The following NCOA6 variants were observed in gnomAD, a reference collection of about 807,000 sequenced individuals.
NCOA6 encodes the protein NRC RAP250.
In NCOA6, 49 loss-of-function variants were observed where a neutral mutation model predicts 171.4. The observed-to-expected ratio is 0.29, with a 90% CI of 0.23 to 0.36. The LOEUF (loss-of-function observed/expected upper bound fraction) is 0.36, where lower values mean the gene tolerates loss of function less well. Ranked by LOEUF, NCOA6 falls within the 10% of genes least tolerant of loss-of-function variation. The pLI, the probability that NCOA6 is intolerant of heterozygous loss-of-function variation, is 1.00. For missense variants in NCOA6, 2,248 were observed against 2,554.5 expected, an observed-to-expected ratio of 0.88 and a Z score of 2.59; for synonymous variants, 910 against 927.5, an observed-to-expected ratio of 0.98 and a Z score of 0.34.
At chr20:34,813,580 T>C (rs1483014094) in intron 1 of NCOA6, among the ~76,000 whole-genome samples, 1 of 152,178 alleles carries the variant, frequency 6.6e-6, no homozygotes, top group African/African-American at 2.4e-5. Flanking sequence ...ATTGTGTTTA[T>C]GTAGAAGAAT....
chr20:34,739,370 T>C (rs886178183), intron 11 of NCOA6, among the ~76,000 whole-genome samples: 6 of 152,252 alleles, frequency 3.9e-5, no homozygotes, highest in Non-Finnish European at 8.8e-5. Context: ...GTCAAGTAAC[T>C]TGCCCAAGCC....
At chr20:34,785,889 A>G (rs888782138) in intron 2 of NCOA6, among the ~76,000 whole-genome samples, 1 of 152,210 alleles carries the variant, frequency 6.6e-6, no homozygotes, top group African/African-American at 2.4e-5. Context: ...AAAAAAAAAA[A>G]AAAACAGAGA....
chr20:34,782,519 T>C, intron 2 of NCOA6, 115 bp from the exon 3 acceptor site: 1 of 287,106 alleles, frequency 3.5e-6, no homozygotes, highest in Non-Finnish European at 6.3e-6. Context: ...CTATAAAAAT[T>C]AAGAAATTAC....
rs572376247 is a variant in NCOA6 at position 34,791,826 on chromosome 20, G to A, written c.-50+624C>T. On this transcript the variant is annotated intron_variant, in intron 2 of 14. Transcript: ENST00000359003. The stretch of plus-strand genomic sequence containing the variant: ...AAGGAAATTCTCAAAAGAAGAAGGA[G>A]AGAGGGCAGGGAGATGATGCAAAAA... Among the ~76,000 whole-genome samples the A allele has an allele frequency of 3.3e-5, 5 of 152,266 alleles. No homozygotes were observed. The East Asian group carries it at 5.8e-4, about 18-fold the overall frequency.
chr20:34,719,504 G>A lies in NCOA6; in HGVS notation c.6149-4139C>T, dbSNP rs996712504. On this transcript the variant is annotated intron_variant, in intron 14 of 14. Transcript: ENST00000359003. ...AAATTAGCCGGGAGTGGTGGTGCAT[G>A]CCTGTAGTCCCAGCTATTCGGGAGG... is the stretch of plus-strand genomic sequence containing the variant. Among the ~76,000 whole-genome samples the A allele has an allele frequency of 3.3e-5, 5 of 152,088 alleles. No homozygotes were observed. The East Asian group carries it at 9.7e-4, about 29-fold the overall frequency.
intron 1 of NCOA6, among the ~76,000 whole-genome samples, chr20:34,816,561 G>A (rs2078842552): frequency 6.6e-6 from 1 of 152,034 alleles, no homozygotes; most frequent in Non-Finnish European, 1.5e-5. Context: ...CAGCACGCCT[G>A]GCTAATTTTT....
At chr20:34,722,956 G>A (rs1273402171) in intron 14 of NCOA6, among the ~76,000 whole-genome samples, 1 of 152,036 alleles carries the variant, frequency 6.6e-6, no homozygotes, top group Admixed American at 6.6e-5. Flanking sequence ...GCAGTGAGCC[G>A]AGATTGTGCC....
chr20:34,797,271 A>C (rs557699908), intron 1 of NCOA6, among the ~76,000 whole-genome samples: 9 of 152,216 alleles, frequency 5.9e-5, no homozygotes, highest in African/African-American at 2.2e-4. Flanking sequence ...TTTGTCTTGC[A>C]ACTTGGATAC....
At chr20:34,816,039 G>A (rs1012016236) in intron 1 of NCOA6, among the ~76,000 whole-genome samples, 3 of 152,212 alleles carry the variant, frequency 2.0e-5, no homozygotes, top group South Asian at 2.1e-4. Flanking sequence ...AAGAAAGTAC[G>A]TCGGCTTCAC....
intron 11 of NCOA6, among the ~76,000 whole-genome samples, chr20:34,737,569 A>G (rs2075995234): frequency 6.6e-6 from 1 of 152,238 alleles, no homozygotes; most frequent in Admixed American, 6.5e-5. Flanking sequence ...CATCAGAATC[A>G]GGCTTCAAAG....
At chr20:34,793,681 A>T (rs2077969597) in intron 1 of NCOA6, among the ~76,000 whole-genome samples, 1 of 152,200 alleles carries the variant, frequency 6.6e-6, no homozygotes, top group African/African-American at 2.4e-5. Context: ...ATGCAAAAAA[A>T]AATCAATTCT....
chr20:34,811,548 C>T (rs934037211), intron 1 of NCOA6, among the ~76,000 whole-genome samples: 3 of 152,018 alleles, frequency 2.0e-5, no homozygotes, highest in Admixed American at 2.0e-4. Flanking sequence ...ATGTATCTCT[C>T]AATATGTAAC....
chr20:34,746,174 C>T (rs1323466489), intron 10 of NCOA6, among the ~76,000 whole-genome samples: 1 of 151,978 alleles, frequency 6.6e-6, no homozygotes, highest in Admixed American at 6.6e-5. Context: ...AATCATCTCT[C>T]CATTTAATCT....
intron 7 of NCOA6, among the ~76,000 whole-genome samples, chr20:34,756,313 G>C (rs1260729745): frequency 6.6e-6 from 1 of 152,202 alleles, no homozygotes; most frequent in Non-Finnish European, 1.5e-5. Flanking sequence ...AATTACAAGA[G>C]AGTAAAAGGC....
intron 5 of NCOA6, among the ~76,000 whole-genome samples, chr20:34,762,659 C>G (rs2076851882): frequency 6.6e-6 from 1 of 152,042 alleles, no homozygotes; most frequent in African/African-American, 2.4e-5. Flanking sequence ...CATATATGAT[C>G]ATCATTATTA....
Position 34,757,830 on chromosome 20 carries a change from A to C in NCOA6, c.918T>G (p.Phe306Leu). The change falls in exon 7 of 15, where the codon TTT (phenylalanine) becomes TTG (leucine). Residue 306 changes from phenylalanine (F) to leucine (L), a missense_variant. Transcript: ENST00000359003. ...QQQPQGIRPQ[F>L]TAPTQVPVPP... ...GAACAGGCACCTGAGTTGGGGCAGT[A>C]AACTGGGGTCGAATTCCCTGTGGCT... 6.2e-7 allele frequency: 1 copy of C among 1,614,080 alleles called. No individual in the cohort carries two copies. The highest frequency in any genetic ancestry group is 1.1e-5 in the South Asian group (1 of 91,072).
At chr20:34,794,965 T>C (rs1019066288) in intron 1 of NCOA6, among the ~76,000 whole-genome samples, 1 of 152,214 alleles carries the variant, frequency 6.6e-6, no homozygotes, top group Non-Finnish European at 1.5e-5. Flanking sequence ...TGGAGGTAAC[T>C]ATGACATTAA....
At chr20:34,718,244 C>A (rs185774677) in intron 14 of NCOA6, among the ~76,000 whole-genome samples, 167 of 152,242 alleles carry the variant, frequency 1.1e-3, no homozygotes, top group South Asian at 2.9e-3. Context: ...ATCACCTTCC[C>A]TGGATAAATC....
At chr20:34,722,098 C>T (rs1422811089) in intron 14 of NCOA6, among the ~76,000 whole-genome samples, 3 of 139,964 alleles carry the variant, frequency 2.1e-5, no homozygotes, top group Admixed American at 7.3e-5. Context: ...AAGAAAAAGC[C>T]GGCTGGGCAT....
Sources: allele counts gnomAD v4.1 joint callset (sites outside exome capture counted in the v4.1 genomes callset), GRCh38; gene constraint gnomAD v4.1.1; transcripts MANE v1.5; gene names NCBI Gene and HGNC (gene_info 2026-07-23, HGNC 2026-07-21).